The following PLK1 variants were observed in gnomAD, a reference collection of about 807,000 sequenced individuals.
PLK1 encodes the protein serine/threonine-protein kinase PLK1.
A neutral mutation model predicts 56.7 loss-of-function variants in PLK1; 6 were observed. The observed-to-expected ratio is 0.11, with a 90% CI of 0.06 to 0.21. PLK1 has a LOEUF of 0.21. PLK1 is among the 10% of genes least tolerant of loss of function. The pLI is 1.00. For missense variants in PLK1, 546 were observed against 814.4 expected, an observed-to-expected ratio of 0.67 and a Z score of 4.01; for synonymous variants, 298 against 325.0, an observed-to-expected ratio of 0.92 and a Z score of 0.89.
intron 5 of PLK1, among the ~76,000 whole-genome samples, chr16:23,686,588 G>C (rs996053699): frequency 6.6e-6 from 1 of 152,156 alleles, no homozygotes; most frequent in South Asian, 2.1e-4. Flanking sequence ...CACCTCCTGC[G>C]TTCAAGTGAC....
intron 1 of PLK1, chr16:23,679,800 G>A: frequency 6.0e-6 from 2 of 335,150 alleles, no homozygotes; most frequent in Non-Finnish European, 1.1e-5. Context: ...CGGAGCTTCC[G>A]GAGTGGGGCT....
intron 4 of PLK1, among the ~76,000 whole-genome samples, chr16:23,683,581 G>A (rs965477088): frequency 1.3e-5 from 2 of 152,118 alleles, no homozygotes; most frequent in Admixed American, 6.5e-5. Context: ...AGTTGGTGAG[G>A]GCTAAGTGAG....
At chr16:23,680,322 A>G in intron 2 of PLK1, 70 bp downstream of exon 2, 8 of 1,383,328 alleles carry the variant, frequency 5.8e-6, no homozygotes, top group Non-Finnish European at 7.1e-6. Context: ...AGGCTGGGAG[A>G]AAGGAAGGAG....
chr16:23,687,707 T>C, intron 6 of PLK1, 83 bp downstream of exon 6: 1 of 1,033,058 alleles, frequency 9.7e-7, no homozygotes, highest in Non-Finnish European at 1.4e-6. Flanking sequence ...AACAAAGCAC[T>C]GGTGACTTGT....
In PLK1 at chr16:23,689,547, A is replaced by T. The variant is rs753379433; in HGVS notation, c.1479A>T (p.Ala493=). 1 of 1,613,660 alleles carries T rather than the reference A, an allele frequency of 6.2e-7. No homozygotes were observed. Among genetic ancestry groups the T allele is most frequent in the Admixed American group, 1.7e-5 (1 of 60,020 alleles). ...RNYMSEHLLK[A]GANITPREGD... is the part of the protein sequence containing the mutation. The stretch of plus-strand genomic sequence containing the variant: ...ACATGAGCGAGCACTTGCTGAAGGC[A>T]GGTGCCAACATCACGCCGCGCGAAG... Residue 493 remains alanine (A), a synonymous_variant, in exon 9 of 10, where the codon GCA becomes GCT. Coordinates refer to ENST00000300093, the MANE Select transcript of PLK1 (RefSeq NM_005030.6). This position sits in a 1 kb window ranked among gnomAD's most constrained non-coding sequence, Gnocchi z 4.8.
In PLK1 at chr16:23,678,898, G is replaced by C. The variant is rs113553976; in HGVS notation, c.-35G>C. 2 of 1,460,232 alleles carry C rather than the reference G, an allele frequency of 1.4e-6. No individual in the cohort carries two copies. The highest frequency in any genetic ancestry group is 1.4e-5 in the South Asian group (1 of 72,684). The allele number at this position is 1,460,232 out of a possible 1,614,324, so 90.5% of individuals were successfully genotyped here. A position where few individuals can be genotyped will look rare whatever the true frequency, so the allele number is the denominator to read the frequency against. ...AGGAGCGGAGCGGTGCGGAGGCTCT[G>C]CTCGGATCGAGGTCTGCAGCGCAGC... On this transcript the variant is annotated 5_prime_UTR_variant, in exon 1 of 10. Transcript: ENST00000300093.
chr16:23,687,250 C>G (rs766529261), intron 5 of PLK1: 70 of 345,940 alleles, frequency 2.0e-4, no homozygotes, highest in Non-Finnish European at 6.8e-5. Context: ...AGGGCCACAC[C>G]GTTGGGTCAG....
At chr16:23,683,371 A>G (rs1458897470) in intron 4 of PLK1, among the ~76,000 whole-genome samples, 2 of 152,178 alleles carry the variant, frequency 1.3e-5, no homozygotes. Flanking sequence ...GCACACAGCC[A>G]GTTTGAAGTG....
At chr16:23,684,593 G>A (rs561501674) in intron 5 of PLK1, among the ~76,000 whole-genome samples, 38 of 152,248 alleles carry the variant, frequency 2.5e-4, no homozygotes, top group African/African-American at 8.9e-4. Flanking sequence ...GGGCTCAAGC[G>A]ATCCTTTCAC....
chr16:23,680,867 G>A, intron 2 of PLK1, 47 bp from the exon 3 acceptor site: 1 of 1,578,104 alleles, frequency 6.3e-7, no homozygotes, highest in East Asian at 2.3e-5. Context: ...ATTGACAGAT[G>A]TCAGAGGCTG....
chr16:23,688,845 C>T (rs1298378981), intron 7 of PLK1, 100 bp downstream of exon 7: 2 of 826,846 alleles, frequency 2.4e-6, no homozygotes, highest in Non-Finnish European at 4.3e-6. Flanking sequence ...GTACTGTTCT[C>T]AGTGCCCTCC....
At chr16:23,681,238 T>C (rs1309938224) in intron 3 of PLK1, among the ~76,000 whole-genome samples, 180 bp downstream of exon 3, 2 of 152,206 alleles carry the variant, frequency 1.3e-5, no homozygotes, top group Non-Finnish European at 2.9e-5. Flanking sequence ...TGGTGTATCC[T>C]GTCGGATTTC....
Position 23,678,971 on chromosome 16 carries a change from A to T in PLK1, c.39A>T (p.Ala13=), listed in dbSNP as rs1959276691. Residue 13 remains alanine (A), a synonymous_variant, in exon 1 of 10, where the codon GCA becomes GCT. Transcript: ENST00000300093. The part of the protein sequence containing the change: ...AAVTAGKLAR[A]PADPGKAGVP... Reference sequence around the variant, plus strand: ...TGACTGCAGGGAAGCTGGCACGGGCACCGGCCGACCCTGGGAAAGCCGGGG... The same window carrying T: ...TGACTGCAGGGAAGCTGGCACGGGCTCCGGCCGACCCTGGGAAAGCCGGGG... The T allele has an allele frequency of 1.3e-6, 2 of 1,586,094 alleles. No homozygotes were observed. The highest frequency in any genetic ancestry group is 1.7e-6 in the Non-Finnish European group (2 of 1,166,822).
At position 23,689,085 on chromosome 16, in the gene PLK1, C is replaced by T. The variant is rs150205374; in HGVS notation, c.1271-153C>T. 1.9e-4 allele frequency among the ~76,000 whole-genome samples: 29 copies of T among 152,214 alleles called. 1 individual carries two copies. In the East Asian group the frequency reaches 2.7e-3, roughly 14 times the overall value. ...ATTTTGTAGAGATGGGGTCTCATTACGTTGCCCAGGCTGGTCTCAAACTCC... is the reference window on the plus strand; with the variant it reads ...ATTTTGTAGAGATGGGGTCTCATTATGTTGCCCAGGCTGGTCTCAAACTCC... On this transcript the variant is annotated intron_variant, in intron 7 of 9. Transcript: ENST00000300093. This position sits in a 1 kb window ranked among gnomAD's most constrained non-coding sequence, Gnocchi z 4.8.
intron 2 of PLK1, 46 bp from the exon 3 acceptor site, chr16:23,680,868 T>G: frequency 6.4e-7 from 1 of 1,573,202 alleles, no homozygotes; most frequent in Non-Finnish European, 8.6e-7. Flanking sequence ...TTGACAGATG[T>G]CAGAGGCTGG....
intron 1 of PLK1, chr16:23,679,819 A>G (rs1959303409): frequency 2.8e-6 from 1 of 351,970 alleles, no homozygotes; most frequent in African/African-American, 2.1e-5. Context: ...CTGAGAGAGG[A>G]CCCCCAGGTA....
chr16:23,679,919 TG>T, intron 1 of PLK1, 164 bp from the exon 2 acceptor site: 1 of 582,948 alleles, frequency 1.7e-6, no homozygotes, highest in Non-Finnish European at 3.1e-6. Flanking sequence ...GGAGAAGGAA[TG>T]GGGTGGGGGC....
At chr16:23,681,213 A>G (rs1959326029) in intron 3 of PLK1, among the ~76,000 whole-genome samples, 155 bp downstream of exon 3, 1 of 152,184 alleles carries the variant, frequency 6.6e-6, no homozygotes, top group South Asian at 2.1e-4. Context: ...TAATTGTCAT[A>G]TCTTTCCCTG....
chr16:23,681,968 G>C, intron 3 of PLK1, 96 bp from the exon 4 acceptor site: 1 of 729,868 alleles, frequency 1.4e-6, no homozygotes, highest in Non-Finnish European at 2.5e-6. Context: ...TGAGTGTCCA[G>C]AGGATGCCTG....
Sources: gnomAD v4.1 joint callset for allele counts (sites outside exome capture counted in the v4.1 genomes callset) on GRCh38, gnomAD v4.1.1 for gene constraint, Gnocchi (gnomAD v3.1) non-coding constraint, MANE v1.5 for transcripts, NCBI Gene and HGNC (gene_info 2026-07-23, HGNC 2026-07-21) for gene names.